Variants in TMEM132C observed in about 807,000 individuals in gnomAD.
TMEM132C encodes protein phosphatase 1, regulatory subunit 152.
Under a neutral mutation model 61.4 loss-of-function variants are expected in TMEM132C, and 29 were observed. That is an observed-to-expected ratio of 0.47 (90% CI 0.35 to 0.64). TMEM132C has a LOEUF of 0.64. TMEM132C is among the 30% of genes least tolerant of loss of function. TMEM132C has a pLI of 0.00. For synonymous variants in TMEM132C, 656 were observed against 633.1 expected, an observed-to-expected ratio of 1.04 and a Z score of -0.54; for missense variants, 1,408 against 1,476.9, an observed-to-expected ratio of 0.95 and a Z score of 0.76.
intron 3 of TMEM132C, among the ~76,000 whole-genome samples, chr12:128,609,115 T>C (rs1490667706): frequency 6.6e-6 from 1 of 150,500 alleles, no homozygotes; most frequent in African/African-American, 2.5e-5. Flanking sequence ...CTCCCTGCAC[T>C]GTAACCTCCA....
intron 4 of TMEM132C, among the ~76,000 whole-genome samples, chr12:128,640,762 C>T (rs1274529155): frequency 6.6e-6 from 1 of 152,110 alleles, no homozygotes; most frequent in Admixed American, 6.5e-5. Context: ...TGACACAAAC[C>T]TGTAGTTCCA....
chr12:128,666,726 A>G (rs926204899), intron 4 of TMEM132C, among the ~76,000 whole-genome samples: 1 of 152,214 alleles, frequency 6.6e-6, no homozygotes, highest in Admixed American at 6.5e-5. Context: ...CCTCCATGTC[A>G]CAGCCAGTTT....
chr12:128,312,777 C>T (rs904874633), intron 1 of TMEM132C, among the ~76,000 whole-genome samples: 1 of 152,220 alleles, frequency 6.6e-6, no homozygotes, highest in Non-Finnish European at 1.5e-5. Context: ...AAAGTTCTCT[C>T]CCAGTTTGTG....
At chr12:128,497,489 C>T (rs1419472732) in intron 2 of TMEM132C, among the ~76,000 whole-genome samples, 2 of 152,204 alleles carry the variant, frequency 1.3e-5, no homozygotes, top group East Asian at 3.9e-4. Flanking sequence ...CAAGTTCGAG[C>T]TTCCCGTCAG....
intron 2 of TMEM132C, among the ~76,000 whole-genome samples, chr12:128,490,266 C>CT (rs1247903443): frequency 2.0e-5 from 3 of 152,172 alleles, no homozygotes; most frequent in African/African-American, 7.2e-5. Flanking sequence ...TGTGGTTCAT[C>CT]TAGGCAATGC....
At chr12:128,374,142 G>C (rs933165706) in intron 1 of TMEM132C, among the ~76,000 whole-genome samples, 1 of 152,164 alleles carries the variant, frequency 6.6e-6, no homozygotes, top group Non-Finnish European at 1.5e-5. Flanking sequence ...GGTGGGGAGG[G>C]GCTCAGCATG....
intron 1 of TMEM132C, among the ~76,000 whole-genome samples, chr12:128,280,041 T>C (rs959358559): frequency 6.6e-6 from 1 of 152,214 alleles, no homozygotes; most frequent in African/African-American, 2.4e-5. Context: ...ATATTATCTG[T>C]CCTTCATTCT....
chr12:128,621,745 A>G (rs1323264387), intron 4 of TMEM132C, among the ~76,000 whole-genome samples: 1 of 152,142 alleles, frequency 6.6e-6, no homozygotes, highest in Non-Finnish European at 1.5e-5. Context: ...CCCACTGGGA[A>G]GTCTGTTTTC....
chr12:128,331,327 G>A (rs1296344445), intron 1 of TMEM132C, among the ~76,000 whole-genome samples: 1 of 152,176 alleles, frequency 6.6e-6, no homozygotes, highest in East Asian at 1.9e-4. Context: ...AACTTTATGG[G>A]TACATGTGCA....
intron 1 of TMEM132C, among the ~76,000 whole-genome samples, chr12:128,367,909 T>C (rs1409162971): frequency 6.6e-6 from 1 of 152,234 alleles, no homozygotes; most frequent in Non-Finnish European, 1.5e-5. Flanking sequence ...TAGCCCATAT[T>C]TGAGGCTTGC....
At chr12:128,478,977 A>G (rs1871241326) in intron 2 of TMEM132C, among the ~76,000 whole-genome samples, 1 of 152,224 alleles carries the variant, frequency 6.6e-6, no homozygotes. Context: ...ACAATGCTGG[A>G]CAAGTCAAAC....
intron 1 of TMEM132C, among the ~76,000 whole-genome samples, chr12:128,379,176 T>C (rs1476581230): frequency 6.6e-6 from 1 of 152,212 alleles, no homozygotes; most frequent in Admixed American, 6.5e-5. Flanking sequence ...CTACCATGCA[T>C]GGACCATGCC....
chr12:128,659,423 A>G (rs901483968), intron 4 of TMEM132C, among the ~76,000 whole-genome samples: 1 of 152,214 alleles, frequency 6.6e-6, no homozygotes, highest in African/African-American at 2.4e-5. Flanking sequence ...ATCTACTTTG[A>G]ATTAGTGAAT....
intron 4 of TMEM132C, among the ~76,000 whole-genome samples, chr12:128,628,498 G>A (rs1254632393): frequency 2.0e-5 from 3 of 152,060 alleles, no homozygotes; most frequent in Admixed American, 6.5e-5. Context: ...AATAACAGCC[G>A]GCCACTCTAT....
At chr12:128,301,548 C>T (rs75007960) in intron 1 of TMEM132C, among the ~76,000 whole-genome samples, 1,683 of 152,238 alleles carry the variant, frequency 0.011, 30 homozygotes, top group African/African-American at 0.038. Context: ...AACCATGTGC[C>T]TCCCAGAGCC....
At chr12:128,541,281 C>G (rs1873741193) in intron 2 of TMEM132C, among the ~76,000 whole-genome samples, 1 of 152,176 alleles carries the variant, frequency 6.6e-6, no homozygotes, top group Non-Finnish European at 1.5e-5. Flanking sequence ...CACCACCTTC[C>G]AGGAACCTCC....
At chr12:128,424,374 T>G (rs1673308871) in intron 2 of TMEM132C, among the ~76,000 whole-genome samples, 2 of 151,718 alleles carry the variant, frequency 1.3e-5, no homozygotes, top group Admixed American at 1.3e-4. Flanking sequence ...CATGCAATGA[T>G]ATATTATTCA....
chr12:128,278,145 T>C lies in TMEM132C; in HGVS notation c.85+10658T>C, dbSNP rs1300744942. On this transcript the variant is annotated intron_variant, in intron 1 of 8. Transcript: ENST00000435159. The surrounding 1 kb of genome is among the most constrained non-coding windows in gnomAD (Gnocchi z 4.2). ...ACGGTGACCCTAAAAGGCTTGCCCCTCTGGCATCCTGATTTAGGAGAACAA... is the reference window on the plus strand; with the variant it reads ...ACGGTGACCCTAAAAGGCTTGCCCCCCTGGCATCCTGATTTAGGAGAACAA... Among the ~76,000 whole-genome samples the C allele has an allele frequency of 6.6e-6, 1 of 152,146 alleles. No homozygotes were observed. Among genetic ancestry groups the C allele is most frequent in the Non-Finnish European group, 1.5e-5 (1 of 68,024 alleles).
At chr12:128,595,029 C>T (rs977759833) in intron 3 of TMEM132C, among the ~76,000 whole-genome samples, 3 of 152,188 alleles carry the variant, frequency 2.0e-5, no homozygotes, top group East Asian at 3.9e-4. Flanking sequence ...GTGAGATGCT[C>T]GCCGGCCAGC....
Sources: allele counts gnomAD v4.1 joint callset (sites outside exome capture counted in the v4.1 genomes callset), GRCh38; gene constraint gnomAD v4.1.1; non-coding constraint Gnocchi (gnomAD v3.1); transcripts MANE v1.5; gene names NCBI Gene and HGNC (gene_info 2026-07-23, HGNC 2026-07-21).